INPP5D: variants seen among roughly 807,000 people sequenced by gnomAD.
INPP5D encodes inositol polyphosphate-5-phosphatase D.
INPP5D carries 33 observed loss-of-function variants against 122.9 expected under a neutral mutation model. The ratio of observed to expected loss-of-function variants is 0.27; its 90% confidence interval spans 0.20 to 0.36. The LOEUF (loss-of-function observed/expected upper bound fraction) is 0.36, where lower values mean the gene tolerates loss of function less well. Ranked by LOEUF, INPP5D falls within the 10% of genes least tolerant of loss-of-function variation. INPP5D has a pLI of 1.00. For synonymous variants in INPP5D, 584 were observed against 576.2 expected (o/e 1.01, Z -0.19); for missense variants, 1,053 against 1,412.7 (o/e 0.75, Z 4.08).
chr2:233,096,427 G>A (rs942383401), intron 2 of INPP5D, among the ~76,000 whole-genome samples: 3 of 152,180 alleles, frequency 2.0e-5, no homozygotes, highest in South Asian at 2.1e-4. Context: ...AGAGCTGGGC[G>A]GATCACCAGA....
chr2:233,194,796 CT>C (rs368475597), intron 23 of INPP5D, among the ~76,000 whole-genome samples: 3 of 150,252 alleles, frequency 2.0e-5, no homozygotes, highest in East Asian at 2.0e-4. Context: ...TGCACCGAGC[CT>C]TTTTTTTTCT....
In INPP5D at chr2:233,182,419, G is replaced by A; in HGVS notation, c.2081G>A (p.Ser694Asn). The part of the protein sequence containing the change: ...HVVCQSYGST[S>N]DIMTSDHSPV... ...CTTCCCTCCCCTGCAGGCAGTACCA[G>A]CGACATCATGACGAGTGACCACAGC... The change falls in exon 19 of 27, where the codon AGC becomes AAC. Residue 694 changes from serine (S) to asparagine (N), a missense_variant. By Grantham distance (46) the Ser-to-Asn change is conservative (BLOSUM62 1). Around this residue, in one of 6 missense-constraint regions of INPP5D, gnomAD observed 258 missense variants for 439.1 expected, o/e 0.59. Transcript: ENST00000445964. The A allele has an allele frequency of 1.2e-6, 2 of 1,613,718 alleles. No homozygotes were observed. Among genetic ancestry groups the A allele is most frequent in the Non-Finnish European group, 1.7e-6 (2 of 1,179,710 alleles).
intron 1 of INPP5D, among the ~76,000 whole-genome samples, chr2:233,067,999 G>C (rs1691271253): frequency 6.6e-6 from 1 of 152,118 alleles, no homozygotes; most frequent in Non-Finnish European, 1.5e-5. Context: ...TAAAAATCAT[G>C]CTGGTGCTGG....
rs1389033759 is a variant in INPP5D, at chr2:233,161,790, G to A, written c.1204G>A (p.Asp402Asn). 6.2e-7 allele frequency: 1 copy of A among 1,613,446 alleles called. No individual in the cohort carries two copies. The highest frequency in any genetic ancestry group is 2.2e-5 in the East Asian group (1 of 44,868). Residue 402 changes from aspartate to asparagine, a missense_variant, in exon 11 of 27, where the codon GAC (aspartate) becomes AAC (asparagine). Physicochemically the swap from Asp to Asn is conservative, Grantham distance 23. Around this residue, in one of 6 missense-constraint regions of INPP5D, gnomAD observed 105 missense variants for 199.8 expected, o/e 0.53. Coordinates refer to ENST00000445964, the MANE Select transcript of INPP5D (RefSeq NM_001017915.3). The stretch of plus-strand genomic sequence containing the variant: ...CAAGCACTCAGAGCAGCCGGAGCCC[G>A]ACATGATCACCATCTTCATCGGCAC... ...KNKHSEQPEP[D>N]MITIFIGTWN...
Position 233,189,720 on chromosome 2 carries a change from G to T in INPP5D, c.2359-130G>T, listed in dbSNP as rs1695003221. 9 of 1,358,436 alleles carry T rather than the reference G, an allele frequency of 6.6e-6. No homozygotes were observed. The highest frequency in any genetic ancestry group is 1.4e-5 in the South Asian group (1 of 69,074). The allele number at this position is 1,358,436 out of a possible 1,614,324, so 84.1% of individuals were successfully genotyped here. A position where few individuals can be genotyped will look rare whatever the true frequency, so the allele number is the denominator to read the frequency against. ...AGCTATACCCCACCTGCTCTCTTGG[G>T]TATGGACAGCAGAGATTTAGATCTG... On this transcript the variant is annotated intron_variant, in intron 21 of 26. Coordinates refer to ENST00000445964, the MANE Select transcript of INPP5D (RefSeq NM_001017915.3). This position sits in a 1 kb window ranked among gnomAD's most constrained non-coding sequence, Gnocchi z 5.6.
chr2:233,125,411 A>T (rs1466699061), intron 3 of INPP5D, among the ~76,000 whole-genome samples: 1 of 152,216 alleles, frequency 6.6e-6, no homozygotes, highest in Non-Finnish European at 1.5e-5. Flanking sequence ...AGCCCCTGAA[A>T]GTCTGAGAGC....
At chr2:233,151,685 G>A (rs867005320) in intron 9 of INPP5D, among the ~76,000 whole-genome samples, 14 of 152,222 alleles carry the variant, frequency 9.2e-5, no homozygotes, top group Admixed American at 6.5e-4. Context: ...CCTCTTTAAT[G>A]TGGGCTTCAC....
At chr2:233,161,941 A>T (rs28751960) in intron 11 of INPP5D, 115 bp downstream of exon 11, 356,856 of 1,447,236 alleles carry the variant, frequency 0.25, 48,981 homozygotes, top group East Asian at 0.6. Flanking sequence ...TTCCTGCCCC[A>T]GGGCCCTGCC....
At position 233,164,040 on chromosome 2, in the gene INPP5D, C is replaced by T. The variant is rs981720203; in HGVS notation, c.1437+137C>T. On this transcript the variant is annotated intron_variant, in intron 12 of 26. Transcript: ENST00000445964. This position sits in a 1 kb window ranked among gnomAD's most constrained non-coding sequence, Gnocchi z 4.3. The stretch of plus-strand genomic sequence containing the variant: ...GTCTGGAGGCCCCCACTGAGAGATG[C>T]GTCTGTATTCAGAAATAAATGGGAT... 7.7e-6 allele frequency: 11 copies of T among 1,421,624 alleles called. No individual in the cohort carries two copies. The highest frequency in any genetic ancestry group is 7.4e-5 in the South Asian group (5 of 67,686). 88.1% of individuals were successfully genotyped at this position (1,421,624 alleles called of 1,614,324 possible).
intron 8 of INPP5D, among the ~76,000 whole-genome samples, chr2:233,146,796 G>A (rs775818339): frequency 1.8e-4 from 28 of 151,664 alleles, no homozygotes; most frequent in Middle Eastern, 3.4e-3. Context: ...AAAATCGTGC[G>A]ATTCCTGTGA....
chr2:233,170,244 G>C lies in INPP5D; in HGVS notation c.1791+80G>C. Reference sequence around the variant, plus strand: ...TTGAGTCAGCTTGGGGCAGGTGGTCGTGGAGACATGTGAATCAAGTGGGCT... The same window carrying C: ...TTGAGTCAGCTTGGGGCAGGTGGTCCTGGAGACATGTGAATCAAGTGGGCT... On this transcript the variant is annotated intron_variant, in intron 15 of 26. Transcript: ENST00000445964. The surrounding 1 kb of genome is among the most constrained non-coding windows in gnomAD (Gnocchi z 4.5). 6.4e-7 allele frequency: 1 copy of C among 1,552,850 alleles called. No individual in the cohort carries two copies. Among genetic ancestry groups the C allele is most frequent in the African/African-American group, 1.4e-5 (1 of 73,198 alleles).
intron 4 of INPP5D, 143 bp from the exon 5 acceptor site, chr2:233,130,365 G>C: frequency 1.1e-6 from 1 of 900,528 alleles, no homozygotes; most frequent in Non-Finnish European, 1.7e-6. Context: ...CCTTCGTCCA[G>C]GTTTGCAAAC....
intron 2 of INPP5D, among the ~76,000 whole-genome samples, chr2:233,099,891 G>C (rs766969933): frequency 6.6e-6 from 1 of 152,138 alleles, no homozygotes; most frequent in African/African-American, 2.4e-5. Flanking sequence ...CACGTGGCTG[G>C]GGAGGCCTTA....
At position 233,125,750 on chromosome 2, in the gene INPP5D, A is replaced by G. The variant is rs367778042; in HGVS notation, c.355A>G (p.Ser119Gly). 337 of 1,612,600 alleles carry G rather than the reference A, an allele frequency of 2.1e-4. 8 individuals are homozygous for G. The South Asian group carries it at 2.9e-3, about 14-fold the overall frequency. Reference protein sequence around the residue: ...GDDPEEDTVESVVSPPELPPR... With the variant: ...GDDPEEDTVEGVVSPPELPPR... ...CTTCCTGCTGTTCTCTCCAGTAGAA[A>G]GTGTCGTGTCTCCACCCGAGCTGCC... The change falls in exon 4 of 27, where the codon AGT (serine) becomes GGT (glycine). Residue 119 changes from serine (S) to glycine (G), a missense_variant. Physicochemically the swap from Ser to Gly is moderately conservative, Grantham distance 56. Coordinates refer to ENST00000445964, the MANE Select transcript of INPP5D (RefSeq NM_001017915.3).
At chr2:233,130,797 CTG>C in intron 5 of INPP5D, 149 bp downstream of exon 5, 1 of 872,898 alleles carries the variant, frequency 1.1e-6, no homozygotes, top group Non-Finnish European at 1.9e-6. Context: ...TTGGAAATCT[CTG>C]TGGTTGTTTG....
Position 233,170,102 on chromosome 2 carries a change from C to A in INPP5D, c.1729C>A (p.His577Asn), listed in dbSNP as rs1694453095. 6.2e-7 allele frequency: 1 copy of A among 1,613,948 alleles called. No homozygotes were observed. The highest frequency in any genetic ancestry group is 1.3e-5 in the African/African-American group (1 of 74,932). The change falls in exon 15 of 27, where the codon CAC becomes AAC. Residue 577 changes from histidine (H) to asparagine (N), a missense_variant. Physicochemically the swap from His to Asn is moderately conservative, Grantham distance 68 (BLOSUM62 1). Transcript: ENST00000445964. This position sits in a 1 kb window ranked among gnomAD's most constrained non-coding sequence, Gnocchi z 4.5. ...GAAGCTGAGTCCCTTTAACATCACT[C>A]ACCGCTTCACGCACCTCTTCTGGTT... is the stretch of plus-strand genomic sequence containing the variant. ...DKKLSPFNIT[H>N]RFTHLFWFGD...
In INPP5D at chr2:233,204,481, A is replaced by G; in HGVS notation, c.3331A>G (p.Ser1111Gly). 1 of 1,586,762 alleles carries G rather than the reference A, an allele frequency of 6.3e-7. No individual in the cohort carries two copies. The highest frequency in any genetic ancestry group is 8.6e-7 in the Non-Finnish European group (1 of 1,167,738). The change falls in exon 26 of 27, where the codon AGC (serine) becomes GGC (glycine). Residue 1111 changes from serine (S) to glycine (G), a missense_variant. This residue lies in a region of INPP5D where 417 missense variants were observed against 425.8 expected (regional missense o/e 0.98). Transcript: ENST00000445964. ...CCAAGGGAAGCCCAAGACCCCGGTC[A>G]GCTCCCAGGCCCCGGTGCCGGCCAA... ...KSQGKPKTPV[S>G]SQAPVPAKRP...
intron 2 of INPP5D, among the ~76,000 whole-genome samples, chr2:233,097,239 A>T (rs4973604): frequency 4.0e-5 from 6 of 151,386 alleles, no homozygotes; most frequent in African/African-American, 1.5e-4. Flanking sequence ...GGTTTAATCG[A>T]GGTGGCTTTC....
intron 2 of INPP5D, among the ~76,000 whole-genome samples, chr2:233,109,911 G>A (rs952184900): frequency 6.6e-6 from 1 of 151,202 alleles, no homozygotes; most frequent in Admixed American, 6.6e-5. Flanking sequence ...TTGAGACAGG[G>A]TCTCATTCTG....
Sources: gnomAD v4.1 joint callset for allele counts (sites outside exome capture counted in the v4.1 genomes callset) on GRCh38, gnomAD v4.1.1 for gene constraint, gnomAD v4.1.1 regional missense constraint, Gnocchi (gnomAD v3.1) non-coding constraint, MANE v1.5 for transcripts, NCBI Gene and HGNC (gene_info 2026-07-23, HGNC 2026-07-21) for gene names.